LIN52: variants seen among roughly 807,000 people sequenced by gnomAD.
The protein encoded by LIN52 is protein lin-52 homolog.
In LIN52, 4 loss-of-function variants were observed where a neutral mutation model predicts 18.5. That is an observed-to-expected ratio of 0.22 (90% CI 0.11 to 0.49). The LOEUF (loss-of-function observed/expected upper bound fraction) is 0.49. LIN52 is among the 20% of genes least tolerant of loss of function. The pLI, the probability that LIN52 is intolerant of heterozygous loss-of-function variation, is 0.97. For missense variants in LIN52, 102 were observed against 139.5 expected (o/e 0.73, Z 1.35); for synonymous variants, 34 against 45.5 (o/e 0.75, Z 1.02).
At chr14:74,101,270 G>A (rs2060852904) in intron 5 of LIN52, 32 bp downstream of exon 5, 1 of 1,511,540 alleles carries the variant, frequency 6.6e-7, no homozygotes, top group Non-Finnish European at 9.0e-7. Context: ...GTTCAGGGGT[G>A]TATTCCACCC....
chr14:74,142,815 A>G (rs1007155951), intron 5 of LIN52, among the ~76,000 whole-genome samples: 3 of 145,228 alleles, frequency 2.1e-5, no homozygotes, highest in African/African-American at 7.6e-5. Context: ...CAAGCCTAAC[A>G]TAACATCCTT....
intron 5 of LIN52, among the ~76,000 whole-genome samples, chr14:74,166,524 A>T (rs1433424040): frequency 6.6e-6 from 1 of 152,198 alleles, no homozygotes; most frequent in Non-Finnish European, 1.5e-5. Context: ...AGATCTTTAA[A>T]TTAAAACGTT....
intron 5 of LIN52, among the ~76,000 whole-genome samples, chr14:74,198,191 T>C (rs2078926824): frequency 6.6e-6 from 1 of 152,236 alleles, no homozygotes; most frequent in Admixed American, 6.5e-5. Flanking sequence ...GGAGTAGCCC[T>C]TGTAATTGAG....
At chr14:74,138,542 CG>C (rs1776917264) in intron 5 of LIN52, among the ~76,000 whole-genome samples, 1 of 151,982 alleles carries the variant, frequency 6.6e-6, no homozygotes, top group Non-Finnish European at 1.5e-5. Context: ...CACTTGAGGC[CG>C]GGAGTTCAAG....
intron 5 of LIN52, among the ~76,000 whole-genome samples, chr14:74,190,069 A>G (rs895300294): frequency 1.3e-5 from 2 of 152,210 alleles, no homozygotes; most frequent in Admixed American, 6.5e-5. Context: ...CCAAGAGTTC[A>G]AGACCAGTTC....
intron 5 of LIN52, among the ~76,000 whole-genome samples, chr14:74,177,434 T>C (rs1217498198): frequency 2.0e-5 from 3 of 152,216 alleles, no homozygotes; most frequent in African/African-American, 7.2e-5. Context: ...ACACCCTAGA[T>C]AAAGTTTTAA....
chr14:74,179,679 GAAAA>G (rs919456481), intron 5 of LIN52, among the ~76,000 whole-genome samples: 7 of 26,286 alleles, frequency 2.7e-4, no homozygotes, highest in African/African-American at 7.1e-4. Context: ...AGAAAAAAAA[GAAAA>G]AAAAATCTAA....
At chr14:74,194,984 A>G (rs2078901223) in intron 5 of LIN52, among the ~76,000 whole-genome samples, 1 of 152,168 alleles carries the variant, frequency 6.6e-6, no homozygotes, top group Non-Finnish European at 1.5e-5. Context: ...GTCTGTACCA[A>G]AAATACAAAG....
chr14:74,102,185 G>A (rs938941373), intron 5 of LIN52, among the ~76,000 whole-genome samples: 2 of 152,166 alleles, frequency 1.3e-5, no homozygotes, highest in African/African-American at 4.8e-5. Flanking sequence ...AGAGGTTGCA[G>A]TGAGCCAAGA....
intron 5 of LIN52, among the ~76,000 whole-genome samples, chr14:74,175,529 CA>C (rs781699088): frequency 0.018 from 2,432 of 132,882 alleles, 62 homozygotes; most frequent in African/African-American, 0.061. Context: ...CCTGTCTCTA[CA>C]AAAAAAAAAA....
chr14:74,147,317 A>G (rs950741150), intron 5 of LIN52, among the ~76,000 whole-genome samples: 3 of 152,190 alleles, frequency 2.0e-5, no homozygotes, highest in African/African-American at 7.2e-5. Context: ...CCTCTACCTC[A>G]TATCATATAA....
At chr14:74,162,559 T>TA (rs2061230830) in intron 5 of LIN52, among the ~76,000 whole-genome samples, 1 of 151,850 alleles carries the variant, frequency 6.6e-6, no homozygotes, top group Non-Finnish European at 1.5e-5. Flanking sequence ...TTTATTTTTT[T>TA]ATTGAAAAAA....
At chr14:74,112,442 A>G (rs1405078738) in intron 5 of LIN52, among the ~76,000 whole-genome samples, 3 of 152,100 alleles carry the variant, frequency 2.0e-5, no homozygotes, top group Admixed American at 6.6e-5. Context: ...AATTCTAAAA[A>G]TGTGGTTAAT....
At chr14:74,088,881 G>A (rs951216523) in intron 1 of LIN52, among the ~76,000 whole-genome samples, 1 of 152,192 alleles carries the variant, frequency 6.6e-6, no homozygotes, top group Non-Finnish European at 1.5e-5. Context: ...GAGTACTACT[G>A]TGTGCAAGGG....
At chr14:74,150,882 G>A (rs1034972478) in intron 5 of LIN52, among the ~76,000 whole-genome samples, 9 of 151,968 alleles carry the variant, frequency 5.9e-5, no homozygotes, top group East Asian at 3.9e-4. Flanking sequence ...CAACCCTCCC[G>A]CCCCCCTGCT....
intron 5 of LIN52, among the ~76,000 whole-genome samples, chr14:74,171,982 C>G (rs1266814088): frequency 6.6e-6 from 1 of 152,120 alleles, no homozygotes; most frequent in Non-Finnish European, 1.5e-5. Flanking sequence ...GATGATCTGC[C>G]CACCTCGGCC....
intron 5 of LIN52, among the ~76,000 whole-genome samples, chr14:74,143,518 C>T (rs1307168517): frequency 6.6e-6 from 1 of 152,180 alleles, no homozygotes; most frequent in African/African-American, 2.4e-5. Context: ...TGCTCCACTG[C>T]ACTCCAGCCT....
intron 5 of LIN52, among the ~76,000 whole-genome samples, chr14:74,107,872 T>C (rs1022499553): frequency 2.6e-5 from 4 of 152,200 alleles, no homozygotes; most frequent in Non-Finnish European, 5.9e-5. Context: ...AACAGCTTTA[T>C]TGAGATGTAA....
chr14:74,162,386 G>T lies in LIN52; in HGVS notation c.284-36536G>T, dbSNP rs183350151. On this transcript the variant is annotated intron_variant, in intron 5 of 5. Coordinates refer to ENST00000555028, the MANE Select transcript of LIN52 (RefSeq NM_001024674.3). ...AGCTGCTTGGGAGGCTGGGGCAGGA[G>T]AATCGCTTGAAACCAGGAGATGTAG... 2.8e-5 allele frequency among the ~76,000 whole-genome samples: 4 copies of T among 144,046 alleles called. No individual in the cohort carries two copies. In the Admixed American group the frequency reaches 3.0e-4, roughly 11 times the overall value. 94.5% of individuals were successfully genotyped at this position (144,046 alleles called of 152,430 possible).
Sources: gnomAD v4.1 joint callset for allele counts (sites outside exome capture counted in the v4.1 genomes callset) on GRCh38, gnomAD v4.1.1 for gene constraint, MANE v1.5 for transcripts, NCBI Gene and HGNC (gene_info 2026-07-23, HGNC 2026-07-21) for gene names.